Variants in WAS observed in about 807,000 individuals in gnomAD.
WAS encodes the protein actin nucleation-promoting factor WAS.
Under a neutral mutation model 38.9 loss-of-function variants are expected in WAS, and 1 was observed. The observed-to-expected ratio is 0.03, with a 90% confidence interval of 0.01 to 0.12. The LOEUF is 0.12. Among genes scored for constraint, WAS ranks in the 10% least tolerant of loss-of-function variants. WAS has a pLI of 1.00. For missense variants in WAS, 311 were observed against 431.2 expected, an observed-to-expected ratio of 0.72 and a Z score of 2.47; for synonymous variants, 182 against 173.6, an observed-to-expected ratio of 1.05 and a Z score of -0.38.
Position 48,688,947 on chromosome X carries a change from G to T in WAS, c.1219G>T (p.Gly407Trp). ...ACCACCGCCACCGCCGCCCAGCTCC[G>T]GGAATGGACCAGCCCCTCCCCCACT... ...PPPPPPPPSSGNGPAPPPLPP... is the reference protein window; with the variant it reads ...PPPPPPPPSSWNGPAPPPLPP... The change falls in exon 10 of 12, where the codon GGG becomes TGG. Residue 407 changes from glycine (G) to tryptophan (W), a missense_variant. By Grantham distance (184) the Gly-to-Trp change is radical. Coordinates refer to ENST00000376701, the MANE Select transcript of WAS (RefSeq NM_000377.3). 1.7e-6 allele frequency: 2 copies of T among 1,166,636 alleles called. No homozygotes were observed. The highest frequency in any genetic ancestry group is 6.4e-5 in the East Asian group (2 of 31,489).
rs782525805 is a variant in WAS, at chrX:48,688,115, T to C, written c.777+19T>C. 1 of 1,198,741 alleles carries C rather than the reference T, an allele frequency of 8.3e-7. No homozygotes were observed. The highest frequency in any genetic ancestry group is 1.7e-5 in the African/African-American group (1 of 57,440). On this transcript the variant is annotated intron_variant, in intron 8 of 11. Transcript: ENST00000376701. Reference sequence around the variant, plus strand: ...ATTTGACGTGAGTAACTTCAGAGTCTCTTGGACTCCACTAAACTTCCACCC... The same window carrying C: ...ATTTGACGTGAGTAACTTCAGAGTCCCTTGGACTCCACTAAACTTCCACCC...
At chrX:48,690,342 A>G (rs1391028145) in intron 11 of WAS, among the ~76,000 whole-genome samples, 3 of 106,662 alleles carry the variant, frequency 2.8e-5, no homozygotes, top group African/African-American at 6.9e-5. Flanking sequence ...AGCTCTCACT[A>G]CTCTCATGTT....
At chrX:48,685,434 C>CTATTTGG in intron 2 of WAS, 113 bp from the exon 3 acceptor site, 1 of 572,600 alleles carries the variant, frequency 1.7e-6, no homozygotes, top group Non-Finnish European at 3.0e-6. Flanking sequence ...AATCTCCAAA[C>CTATTTGG]CAGACTATGA....
At position 48,686,101 on chromosome X, in the gene WAS, C is replaced by T. The variant is rs1557006662; in HGVS notation, c.526C>T (p.Pro176Ser). The T allele has an allele frequency of 8.2e-7, 1 of 1,212,155 alleles. No homozygotes were observed. The highest frequency in any genetic ancestry group is 3.0e-5 in the East Asian group (1 of 33,877). Residue 176 changes from proline to serine, a missense_variant, in exon 6 of 12, where the codon CCC (proline) becomes TCC (serine). Coordinates refer to ENST00000376701, the MANE Select transcript of WAS (RefSeq NM_000377.3). ...ANEERRGGLP[P>S]LPLHPGGDQG... ...CCCAGAGAGAAGAGGAGGGCTCCCA[C>T]CCCTGCCCCTGCATCCAGGTGGAGA...
upstream of WAS, among the ~76,000 whole-genome samples, chrX:48,679,374 C>T (rs1228444631): frequency 8.9e-6 from 1 of 112,024 alleles, no homozygotes; most frequent in African/African-American, 3.2e-5. Flanking sequence ...GAAAAATATA[C>T]ATTTTACACT....
chrX:48,682,818 C>G (rs1236395536), upstream of WAS, among the ~76,000 whole-genome samples: 3 of 108,395 alleles, frequency 2.8e-5, no homozygotes, highest in Admixed American at 3.0e-4. Flanking sequence ...TCACTTGAAC[C>G]CGGGAGGCAA....
rs782543817 is a variant in WAS, at chrX:48,685,744, C to T, written c.371C>T (p.Ala124Val). 6 of 1,178,205 alleles carry T rather than the reference C, an allele frequency of 5.1e-6. No homozygotes were observed. Among genetic ancestry groups the T allele is most frequent in the East Asian group, 3.2e-5 (1 of 31,628 alleles). Residue 124 changes from alanine to valine, a missense_variant, in exon 4 of 12, where the codon GCG becomes GTG. Ala to Val is a moderately conservative substitution (Grantham distance 64). Transcript: ENST00000376701. ...FHTFAGDDCQ[A>V]GLNFADEDEA... is the part of the protein sequence containing the mutation. ...CCAAGGTATGTGCAGGACTGCCAAG[C>T]GGGGCTGAACTTTGCAGACGAGGAC...
chrX:48,682,705 C>T (rs1285060765), upstream of WAS, among the ~76,000 whole-genome samples: 1 of 109,877 alleles, frequency 9.1e-6, no homozygotes, highest in Non-Finnish European at 1.9e-5. Flanking sequence ...CCATCCTGGC[C>T]AACATGGTGA....
In WAS at chrX:48,688,819, G is replaced by A. The variant is rs2062429031; in HGVS notation, c.1091G>A (p.Arg364Gln). ...CCCCGGGGACCCCCACCCCCAGGCC[G>A]AGGGGGCCCTCCACCACCACCCCCT... ...PTPRGPPPPG[R>Q]GGPPPPPPPA... The change falls in exon 10 of 12, where the codon CGA becomes CAA. Residue 364 changes from arginine (R) to glutamine (Q), a missense_variant. Physicochemically the swap from Arg to Gln is conservative, Grantham distance 43. Transcript: ENST00000376701. 4 of 859,859 alleles carry A rather than the reference G, an allele frequency of 4.7e-6. No homozygotes were observed. Among genetic ancestry groups the A allele is most frequent in the African/African-American group, 2.3e-5 (1 of 44,299 alleles). The allele number at this position is 859,859 out of a possible 1,213,427, so 70.9% of individuals were successfully genotyped here.
At position 48,688,769 on chromosome X, in the gene WAS, G is replaced by A; in HGVS notation, c.1041G>A (p.Leu347=). Residue 347 remains leucine, a synonymous_variant, in exon 10 of 12, where the codon TTG becomes TTA. Coordinates refer to ENST00000376701, the MANE Select transcript of WAS (RefSeq NM_000377.3). ...GRSGPLPPVP[L]GIAPPPPTPR... ...CTGGTCCACTGCCCCCTGTACCTTT[G>A]GGGATTGCCCCACCCCCACCAACAC... 1 of 1,153,262 alleles carries A rather than the reference G, an allele frequency of 8.7e-7. No homozygotes were observed.
chrX:48,678,901 C>G (rs1469156907), upstream of WAS, among the ~76,000 whole-genome samples: 2 of 110,737 alleles, frequency 1.8e-5, no homozygotes, highest in African/African-American at 6.6e-5. Flanking sequence ...TGATGCCAGT[C>G]AATGGAGTAA....
chrX:48,688,661 G>A lies in WAS; in HGVS notation c.933G>A (p.Glu311=), dbSNP rs782073716. 2 of 1,204,727 alleles carry A rather than the reference G, an allele frequency of 1.7e-6. No individual in the cohort carries two copies. The highest frequency in any genetic ancestry group is 1.8e-5 in the African/African-American group (1 of 56,818). ...EAVRQEMRRQ[E]PLPPPPPPSR... Reference sequence around the variant, plus strand: ...CTATGTGTTATACCCCCTCCACAGAGCCACTTCCGCCGCCCCCACCGCCAT... The same window carrying A: ...CTATGTGTTATACCCCCTCCACAGAACCACTTCCGCCGCCCCCACCGCCAT... The change falls in exon 10 of 12, where the codon GAG becomes GAA. Residue 311 remains glutamate, a splice_region_variant and synonymous_variant. Transcript: ENST00000376701.
At chrX:48,687,265 TGGGTGGG>T (rs1356734993) in intron 7 of WAS, among the ~76,000 whole-genome samples, 2 of 111,824 alleles carry the variant, frequency 1.8e-5, no homozygotes, top group African/African-American at 6.5e-5. Context: ...GGGCCCACTC[TGGGTGGG>T]CTGTTAGGAG....
At chrX:48,679,354 GTTT>G (rs2062396709), upstream of WAS, among the ~76,000 whole-genome samples, 2 of 111,702 alleles carry the variant, frequency 1.8e-5, no homozygotes, top group South Asian at 7.3e-4. Context: ...GTTTTGTTTT[GTTT>G]TTTAGAGAAA....
In WAS at chrX:48,690,678, G is replaced by A. The variant is rs782366146; in HGVS notation, c.1454-429G>A. Reference sequence around the variant, plus strand: ...CAGACTCTGCCTCCTGGGTTCAAGCGATTCTCCTGCCTCAGCCTTCCGAGT... The same window carrying A: ...CAGACTCTGCCTCCTGGGTTCAAGCAATTCTCCTGCCTCAGCCTTCCGAGT... On this transcript the variant is annotated intron_variant, in intron 11 of 11. Transcript: ENST00000376701. Among the ~76,000 whole-genome samples the A allele has an allele frequency of 5.5e-5, 6 of 110,008 alleles. No individual in the cohort carries two copies. In the East Asian group the frequency reaches 1.7e-3, roughly 31 times the overall value.
chrX:48,684,529 G>T, intron 2 of WAS, 106 bp downstream of exon 2: 1 of 1,025,779 alleles, frequency 9.7e-7, no homozygotes, highest in Non-Finnish European at 1.3e-6. Context: ...CCTGATCAGT[G>T]AATCCCTGAG....
chrX:48,682,849 C>T (rs1214881793), upstream of WAS, among the ~76,000 whole-genome samples: 1 of 105,864 alleles, frequency 9.4e-6, no homozygotes, highest in Non-Finnish European at 1.9e-5. Context: ...GAGCCGAGAT[C>T]GTGCCACCGC....
intron 6 of WAS, 25 bp downstream of exon 6, chrX:48,686,159 C>T: frequency 2.5e-6 from 3 of 1,208,655 alleles, no homozygotes; most frequent in South Asian, 1.8e-5. Flanking sequence ...TTCCCTGTGT[C>T]TCTGGATGGA....
chrX:48,688,057 T>G lies in WAS; in HGVS notation c.738T>G (p.His246Gln), dbSNP rs1569493949. Residue 246 changes from histidine (H) to glutamine (Q), a missense_variant, in exon 8 of 12, where the codon CAT (histidine) becomes CAG (glutamine). Transcript: ENST00000376701. Reference sequence around the variant, plus strand: ...GGAGTCTCTTCACCTCTCCCAGGCATGTCAGCCACGTGGGGTGGGACCCCC... The same window carrying G: ...GGAGTCTCTTCACCTCTCCCAGGCAGGTCAGCCACGTGGGGTGGGACCCCC... ...ADIGAPSGFKHVSHVGWDPQN... is the reference protein window; with the variant it reads ...ADIGAPSGFKQVSHVGWDPQN... The G allele has an allele frequency of 8.3e-7, 1 of 1,205,569 alleles. No individual in the cohort carries two copies. Among genetic ancestry groups the G allele is most frequent in the Non-Finnish European group, 1.1e-6 (1 of 892,900 alleles).
Sources: allele counts gnomAD v4.1 joint callset (sites outside exome capture counted in the v4.1 genomes callset), GRCh38; gene constraint gnomAD v4.1.1; transcripts MANE v1.5; gene names NCBI Gene and HGNC (gene_info 2026-07-23, HGNC 2026-07-21).